PCDHGA10: variants seen among roughly 807,000 people sequenced by gnomAD.
The protein encoded by PCDHGA10 is protocadherin gamma subfamily A, 10, also known as protocadherin gamma-A10.
PCDHGA10 carries 42 observed loss-of-function variants against 59.5 expected under a neutral mutation model. The ratio of observed to expected loss-of-function variants is 0.71; its 90% CI spans 0.55 to 0.91. The LOEUF (loss-of-function observed/expected upper bound fraction) is 0.91. Among genes scored for constraint, PCDHGA10 ranks in the 40% least tolerant of loss-of-function variants. PCDHGA10 has a pLI of 0.00. For missense variants in PCDHGA10, 1,111 were observed against 1,198.2 expected (o/e 0.93, Z 1.07); for synonymous variants, 511 against 517.2 (o/e 0.99, Z 0.16).
intron 1 of PCDHGA10, chr5:141,424,285 T>A (rs573116321): frequency 6.5e-6 from 1 of 152,894 alleles, no homozygotes; most frequent in South Asian, 2.1e-4. Context: ...CTTTGTCTCA[T>A]TTCTTCATCC....
In PCDHGA10 at chr5:141,487,072, T is replaced by C. The variant is rs754589618; in HGVS notation, c.2437-7735T>C. On this transcript the variant is annotated intron_variant, in intron 1 of 3. Coordinates refer to ENST00000398610, the MANE Select transcript of PCDHGA10 (RefSeq NM_018913.3). This position sits in a 1 kb window ranked among gnomAD's most constrained non-coding sequence, Gnocchi z 5.0. ...CTGGGGAGGTGCGGACGGCTGTTCCTATCCCAGCTGACCTCCCACCACAGA... is the reference window on the plus strand; with the variant it reads ...CTGGGGAGGTGCGGACGGCTGTTCCCATCCCAGCTGACCTCCCACCACAGA... 8.1e-6 allele frequency: 13 copies of C among 1,614,010 alleles called. No homozygotes were observed. Among genetic ancestry groups the C allele is most frequent in the Non-Finnish European group, 1.1e-5 (13 of 1,179,966 alleles).
At chr5:141,422,723 G>T in intron 1 of PCDHGA10, 1 of 1,605,958 alleles carries the variant, frequency 6.2e-7, no homozygotes, top group South Asian at 1.1e-5. Flanking sequence ...ACTGTCCAGG[G>T]GGTGCCTCTG....
Position 141,414,811 on chromosome 5 carries a change from C to T in PCDHGA10, c.1636C>T (p.Leu546Phe). The T allele has an allele frequency of 1.9e-6, 3 of 1,614,254 alleles. No individual in the cohort carries two copies. The highest frequency in any genetic ancestry group is 2.5e-6 in the Non-Finnish European group (3 of 1,180,042). The change falls in exon 1 of 4, where the codon CTC (leucine) becomes TTC (phenylalanine). Residue 546 changes from leucine (L) to phenylalanine (F), a missense_variant. By Grantham distance (22) the Leu-to-Phe change is conservative. Transcript: ENST00000398610. ...AGCCAGCGACAGCGGGGATCCTCCACTCAGCAGCAACGTGTCGTTGAGCCT... is the reference window on the plus strand; with the variant it reads ...AGCCAGCGACAGCGGGGATCCTCCATTCAGCAGCAACGTGTCGTTGAGCCT... ...VTASDSGDPP[L>F]SSNVSLSLFV...
intron 1 of PCDHGA10, among the ~76,000 whole-genome samples, chr5:141,492,949 A>G (rs1470301496): frequency 6.6e-6 from 1 of 152,226 alleles, no homozygotes; most frequent in African/African-American, 2.4e-5. Flanking sequence ...GGAGGTGACC[A>G]AACTATCTGA....
rs1554116873 is a variant in PCDHGA10 at position 141,423,758 on chromosome 5, G to GT, written c.2436+8147_2436+8148insT. On this transcript the variant is annotated intron_variant, in intron 1 of 3. Coordinates refer to ENST00000398610, the MANE Select transcript of PCDHGA10 (RefSeq NM_018913.3). Reference sequence around the variant, plus strand: ...CTGTTATGAAAACTGTTTGGGGGGGGGGTGGGGCGGCATATATTTAGTTCA... The same window carrying GT: ...CTGTTATGAAAACTGTTTGGGGGGGGTGGTGGGGCGGCATATATTTAGTTCA... 14 of 366,842 alleles carry GT rather than the reference G, an allele frequency of 3.8e-5. 1 individual carries two copies. The highest frequency in any genetic ancestry group is 5.4e-5 in the Non-Finnish European group (14 of 259,742). The allele number at this position is 366,842 out of a possible 1,614,324, so 22.7% of individuals were successfully genotyped here. A position where few individuals can be genotyped will look rare whatever the true frequency, so the allele number is the denominator to read the frequency against.
intron 1 of PCDHGA10, among the ~76,000 whole-genome samples, chr5:141,447,993 T>A (rs2098557542): frequency 6.6e-6 from 1 of 151,554 alleles, no homozygotes; most frequent in Non-Finnish European, 1.5e-5. Context: ...GGCTGAGGCA[T>A]GAGAATCGCT....
At chr5:141,422,020 G>A (rs374562798) in intron 1 of PCDHGA10, 2 of 1,610,932 alleles carry the variant, frequency 1.2e-6, no homozygotes, top group Non-Finnish European at 1.7e-6. Flanking sequence ...GGTGCTGATG[G>A]TTAATGCAAC....
At chr5:141,494,676 CT>C (rs2099756021) in intron 1 of PCDHGA10, 130 bp from the exon 2 acceptor site, 6 of 1,550,918 alleles carry the variant, frequency 3.9e-6, no homozygotes, top group Non-Finnish European at 4.4e-6. Context: ...GAGTCCACCC[CT>C]GCCCCCTCTT....
At chr5:141,440,912 G>T (rs1281398967) in intron 1 of PCDHGA10, 1 of 152,254 alleles carries the variant, frequency 6.6e-6, no homozygotes, top group Admixed American at 6.5e-5. Context: ...GGGCACTCCT[G>T]TGCTGAGAGT....
Position 141,491,665 on chromosome 5 carries a change from C to G in PCDHGA10, c.2437-3142C>G. The stretch of plus-strand genomic sequence containing the variant: ...TCTGGCGCTGGAGCCTGACGCCATC[C>G]GGTCCCGCTCTAATACGCTGCGGGA... On this transcript the variant is annotated intron_variant, in intron 1 of 3. Transcript: ENST00000398610. This position sits in a 1 kb window ranked among gnomAD's most constrained non-coding sequence, Gnocchi z 6.9. 1 of 1,613,764 alleles carries G rather than the reference C, an allele frequency of 6.2e-7. No homozygotes were observed. Among genetic ancestry groups the G allele is most frequent in the Non-Finnish European group, 8.5e-7 (1 of 1,180,000 alleles).
chr5:141,500,084 C>T (rs1354544132), intron 2 of PCDHGA10, among the ~76,000 whole-genome samples: 1 of 152,030 alleles, frequency 6.6e-6, no homozygotes, highest in Non-Finnish European at 1.5e-5. Flanking sequence ...CCTCCATCTT[C>T]CATTTTTGCA....
chr5:141,429,421 C>T (rs1223756901), intron 1 of PCDHGA10, among the ~76,000 whole-genome samples: 1 of 151,486 alleles, frequency 6.6e-6, no homozygotes, highest in Non-Finnish European at 1.5e-5. Context: ...CATTATGTTG[C>T]CCAGGCTGGA....
rs573785314 is a variant in PCDHGA10 at position 141,435,382 on chromosome 5, C to T, written c.2436+19771C>T. 2.0e-5 allele frequency among the ~76,000 whole-genome samples: 3 copies of T among 152,034 alleles called. No homozygotes were observed. In the East Asian group the frequency reaches 5.8e-4, roughly 29 times the overall value. ...TTTATCACTTAAATATACAATATAC[C>T]GTATTGCCATGACGAAAAATGGTAA... On this transcript the variant is annotated intron_variant, in intron 1 of 3. Transcript: ENST00000398610.
chr5:141,420,683 G>A (rs1308504595), intron 1 of PCDHGA10, among the ~76,000 whole-genome samples: 1 of 152,190 alleles, frequency 6.6e-6, no homozygotes, highest in Non-Finnish European at 1.5e-5. Context: ...ATTTTATCGG[G>A]ACCGTATTAT....
chr5:141,488,131 G>A (rs2099672034), intron 1 of PCDHGA10, among the ~76,000 whole-genome samples: 1 of 152,202 alleles, frequency 6.6e-6, no homozygotes, highest in Non-Finnish European at 1.5e-5. Context: ...GCAGAAAGAG[G>A]AGAGAACTAA....
intron 1 of PCDHGA10, among the ~76,000 whole-genome samples, chr5:141,448,917 C>T (rs913804081): frequency 2.6e-5 from 4 of 152,130 alleles, no homozygotes; most frequent in African/African-American, 9.7e-5. Context: ...TGCACTCCAG[C>T]CTGGGCGACA....
At chr5:141,446,049 G>T (rs1043671484) in intron 1 of PCDHGA10, among the ~76,000 whole-genome samples, 1 of 152,100 alleles carries the variant, frequency 6.6e-6, no homozygotes, top group African/African-American at 2.4e-5. Context: ...AAGAAGAGCT[G>T]GCTTGGATTA....
In PCDHGA10 at chr5:141,431,187, G is replaced by C. The variant is rs748150837; in HGVS notation, c.2436+15576G>C. On this transcript the variant is annotated intron_variant, in intron 1 of 3. Transcript: ENST00000398610. This position sits in a 1 kb window ranked among gnomAD's most constrained non-coding sequence, Gnocchi z 4.8. ...GAAAGTGAATTAGAAATAAAAATTAGTGAAAATGCAGCCACTGAGATGCGG... is the reference window on the plus strand; with the variant it reads ...GAAAGTGAATTAGAAATAAAAATTACTGAAAATGCAGCCACTGAGATGCGG... 4.3e-6 allele frequency: 7 copies of C among 1,614,102 alleles called. No homozygotes were observed. The Admixed American group carries it at 1.2e-4, about 27-fold the overall frequency.
intron 1 of PCDHGA10, among the ~76,000 whole-genome samples, chr5:141,429,712 C>T (rs998121271): frequency 1.3e-5 from 2 of 151,994 alleles, no homozygotes; most frequent in African/African-American, 2.4e-5. Flanking sequence ...TAAATATTTA[C>T]GCTCATGAAA....
Sources: gnomAD v4.1 joint callset for allele counts (sites outside exome capture counted in the v4.1 genomes callset) on GRCh38, gnomAD v4.1.1 for gene constraint, Gnocchi (gnomAD v3.1) non-coding constraint, MANE v1.5 for transcripts, NCBI Gene and HGNC (gene_info 2026-07-23, HGNC 2026-07-21) for gene names.